Variants in STOML3 observed in about 807,000 individuals in gnomAD.
The protein encoded by STOML3 is stomatin-like protein 3.
A neutral mutation model predicts 29.5 loss-of-function variants in STOML3; 31 were observed. The observed-to-expected ratio is 1.05, with a 90% CI of 0.79 to 1.42. STOML3 has a LOEUF of 1.42. STOML3 is among the 40% of genes most tolerant of loss of function. The pLI, the probability that STOML3 is intolerant of heterozygous loss-of-function variation, is 0.00. For synonymous variants in STOML3, 122 were observed against 139.8 expected (o/e 0.87, Z 0.90); for missense variants, 380 against 363.0 (o/e 1.05, Z -0.38).
chr13:38,970,842 G>A (rs1474153526), intron 4 of STOML3, among the ~76,000 whole-genome samples: 2 of 152,134 alleles, frequency 1.3e-5, no homozygotes, highest in Admixed American at 1.3e-4. Context: ...ACCATGTAAA[G>A]AAAAATCGAT....
At chr13:38,970,505 C>T (rs2138006990) in intron 4 of STOML3, 117 bp from the exon 5 acceptor site, 1 of 775,840 alleles carries the variant, frequency 1.3e-6, no homozygotes, top group East Asian at 2.5e-5. Context: ...ACAACTCATG[C>T]TACAGTCACC....
intron 1 of STOML3, among the ~76,000 whole-genome samples, chr13:38,987,688 A>G (rs1868639082): frequency 7.3e-6 from 1 of 136,994 alleles, no homozygotes; most frequent in East Asian, 2.0e-4. Context: ...TATTATATAT[A>G]CTAATTATAT....
At chr13:38,980,147 A>T in intron 1 of STOML3, 2 of 1,550,186 alleles carry the variant, frequency 1.3e-6, no homozygotes, top group South Asian at 1.2e-5. Flanking sequence ...TGAGAGAGAC[A>T]AGAGAAGAGA....
chr13:38,971,850 G>A lies in STOML3; in HGVS notation c.312+662C>T, dbSNP rs766563096. Among the ~76,000 whole-genome samples the A allele has an allele frequency of 2.8e-4, 42 of 152,136 alleles. 1 individual carries two copies. The highest frequency in any genetic ancestry group is 6.5e-4 in the Admixed American group (10 of 15,282). ...TGAGGCAGGAGAATCACTTGAACCC[G>A]GGAGGTAGAGGTTGCAATGAGCCGA... is the stretch of plus-strand genomic sequence containing the variant. On this transcript the variant is annotated intron_variant, in intron 4 of 6. Transcript: ENST00000379631.
rs368573839 is a variant in STOML3, at chr13:38,988,342, T to G, written c.52+2328A>C. Among the ~76,000 whole-genome samples, 56 of 61,358 alleles carry G rather than the reference T, an allele frequency of 9.1e-4. 9 individuals are homozygous for G. The highest frequency in any genetic ancestry group is 4.9e-3 in the African/African-American group (46 of 9,452). 40.3% of individuals were successfully genotyped at this position (61,358 alleles called of 152,430 possible). ...ATATTATATTTTATATATAATATAT[T>G]ATATTTTATATCATATATTTTATAT... is the stretch of plus-strand genomic sequence containing the variant. On this transcript the variant is annotated intron_variant, in intron 1 of 6. Coordinates refer to ENST00000379631, the MANE Select transcript of STOML3 (RefSeq NM_145286.3).
chr13:38,980,076 T>G, intron 1 of STOML3: 1 of 1,551,698 alleles, frequency 6.4e-7, no homozygotes. Context: ...CTGGAGTTCA[T>G]CAAGCCCTTG....
At chr13:38,989,935 A>T (rs1868932528) in intron 1 of STOML3, among the ~76,000 whole-genome samples, 1 of 152,034 alleles carries the variant, frequency 6.6e-6, no homozygotes, top group African/African-American at 2.4e-5. Flanking sequence ...CATCACACAC[A>T]CACACACGCA....
At chr13:38,987,669 T>G (rs984607995) in intron 1 of STOML3, among the ~76,000 whole-genome samples, 5 of 139,610 alleles carry the variant, frequency 3.6e-5, no homozygotes, top group Non-Finnish European at 7.6e-5. Context: ...TATTAAGATT[T>G]TTAATATATA....
In STOML3 at chr13:38,990,762, G is replaced by A. The variant is rs1277264573; in HGVS notation, c.-41C>T. On this transcript the variant is annotated 5_prime_UTR_variant, in exon 1 of 7. Coordinates refer to ENST00000379631, the MANE Select transcript of STOML3 (RefSeq NM_145286.3). ...CTTTTATACTTGGCAATTTTTCATG[G>A]GTTTGGAGCTAAGTGTGAAGAACAG... 1.2e-6 allele frequency: 2 copies of A among 1,600,904 alleles called. No homozygotes were observed. The highest frequency in any genetic ancestry group is 1.7e-6 in the Non-Finnish European group (2 of 1,169,124).
In STOML3 at chr13:38,972,514, C is replaced by T. The variant is rs1257039545; in HGVS notation, c.310G>A (p.Glu104Lys). The T allele has an allele frequency of 1.2e-6, 2 of 1,613,742 alleles. No individual in the cohort carries two copies. The highest frequency in any genetic ancestry group is 1.7e-6 in the Non-Finnish European group (2 of 1,179,704). Residue 104 changes from glutamate (E) to lysine (K), a missense_variant and splice_region_variant, in exon 4 of 7, where the codon GAG becomes AAG. By Grantham distance (56) the Glu-to-Lys change is moderately conservative. Transcript: ENST00000379631. Reference sequence around the variant, plus strand: ...GACATATCCTTAATCAGTACTACCTCTTGTGGAGGAATGTTGCAAGTAACT... The same window carrying T: ...GACATATCCTTAATCAGTACTACCTTTTGTGGAGGAATGTTGCAAGTAACT... ...RTVTCNIPPQ[E>K]ILTRDSVTTQ...
chr13:38,968,372 C>T, intron 6 of STOML3, 28 bp downstream of exon 6: 2 of 1,612,294 alleles, frequency 1.2e-6, no homozygotes, highest in Non-Finnish European at 1.7e-6. Context: ...GCAGTTCTCC[C>T]TCCATGTGTG....
intron 1 of STOML3, among the ~76,000 whole-genome samples, chr13:38,977,368 G>A (rs982137476): frequency 6.6e-6 from 1 of 152,208 alleles, no homozygotes; most frequent in Non-Finnish European, 1.5e-5. Context: ...TTCATCTGTA[G>A]AATGGGGCTA....
intron 1 of STOML3, among the ~76,000 whole-genome samples, chr13:38,985,907 C>CTT (rs1868500200): frequency 3.0e-4 from 7 of 23,662 alleles, no homozygotes; most frequent in South Asian, 1.6e-3. Flanking sequence ...TTTTTCTTTT[C>CTT]TTTCTTTTTT....
rs1438123816 is a variant in STOML3 at position 38,988,195 on chromosome 13, TATATTTCATATAAAATATATG to T, written c.52+2454_52+2474del. 4.9e-3 allele frequency among the ~76,000 whole-genome samples: 286 copies of T among 58,896 alleles called. 20 individuals carry two copies. Among genetic ancestry groups the T allele is most frequent in the African/African-American group, 0.026 (204 of 7,922 alleles). 38.6% of individuals were successfully genotyped at this position (58,896 alleles called of 152,430 possible). A position where few individuals can be genotyped will look rare whatever the true frequency, so the allele number is the denominator to read the frequency against. On this transcript the variant is annotated intron_variant, in intron 1 of 6. Transcript: ENST00000379631. Reference sequence around the variant, plus strand: ...ATATTATATTTTATATAAAATATATTATATTTCATATAAAATATATGATATTTTATATCATATATTTTATAT... The same window carrying T: ...ATATTATATTTTATATAAAATATATTATATTTTATATCATATATTTTATAT...
chr13:38,985,907 CTTTCTTTTTTTT>C (rs1868501593), intron 1 of STOML3, among the ~76,000 whole-genome samples: 1 of 23,678 alleles, frequency 4.2e-5, no homozygotes, highest in Non-Finnish European at 8.8e-5. Flanking sequence ...TTTTTCTTTT[CTTTCTTTTTTTT>C]TTTTTTTTTT....
intron 3 of STOML3, among the ~76,000 whole-genome samples, chr13:38,975,307 C>T (rs1309106241): frequency 2.1e-5 from 3 of 143,176 alleles, no homozygotes; most frequent in Non-Finnish European, 3.0e-5. Context: ...GGCGACAGAG[C>T]GAGACTCTGT....
In STOML3 at chr13:38,972,641, C is replaced by G; in HGVS notation, c.230-47G>C. 3 of 1,554,330 alleles carry G rather than the reference C, an allele frequency of 1.9e-6. No individual in the cohort carries two copies. In the South Asian group the frequency reaches 3.4e-5, roughly 17 times the overall value. ...TAAAATGTTGCTCTGTTGAAAATAACTACAAGTAGTCTCATAGCAGCATAG... is the reference window on the plus strand; with the variant it reads ...TAAAATGTTGCTCTGTTGAAAATAAGTACAAGTAGTCTCATAGCAGCATAG... On this transcript the variant is annotated intron_variant, in intron 3 of 6. Transcript: ENST00000379631.
chr13:38,972,544 G>C lies in STOML3; in HGVS notation c.280C>G (p.Arg94Gly). Residue 94 changes from arginine (R) to glycine (G), a missense_variant, in exon 4 of 7, where the codon CGA becomes GGA. Physicochemically the swap from Arg to Gly is moderately radical, Grantham distance 125. Transcript: ENST00000379631. The stretch of plus-strand genomic sequence containing the variant: ...GGAGGAATGTTGCAAGTAACTGTTC[G>C]GAGGTCAACTTTGACAAACACATCT... ...CIDVFVKVDLRTVTCNIPPQE... is the reference protein window; with the variant it reads ...CIDVFVKVDLGTVTCNIPPQE... 6.2e-7 allele frequency: 1 copy of C among 1,613,974 alleles called. No homozygotes were observed. The highest frequency in any genetic ancestry group is 8.5e-7 in the Non-Finnish European group (1 of 1,179,928).
chr13:38,982,081 GA>G (rs534874601), intron 1 of STOML3, among the ~76,000 whole-genome samples: 1 of 151,814 alleles, frequency 6.6e-6, no homozygotes, highest in Non-Finnish European at 1.5e-5. Flanking sequence ...TACTCAGCAA[GA>G]AAAAAAGACA....
Sources: allele counts gnomAD v4.1 joint callset (sites outside exome capture counted in the v4.1 genomes callset), GRCh38; gene constraint gnomAD v4.1.1; transcripts MANE v1.5; gene names NCBI Gene and HGNC (gene_info 2026-07-23, HGNC 2026-07-21).